The following MRAP2 variants were observed in gnomAD, a reference collection of about 807,000 sequenced individuals.
MRAP2 encodes the protein melanocortin-2 receptor accessory protein 2.
Under a neutral mutation model 17.4 loss-of-function variants are expected in MRAP2, and 20 were observed. The observed-to-expected ratio is 1.15, with a 90% CI of 0.81 to 1.67. The LOEUF (loss-of-function observed/expected upper bound fraction) is 1.67. Ranked by LOEUF, MRAP2 falls within the 40% of genes most tolerant of loss-of-function variation. The pLI, the probability that MRAP2 is intolerant of heterozygous loss-of-function variation, is 0.00. For synonymous variants in MRAP2, 96 were observed against 88.4 expected (o/e 1.09, Z -0.48); for missense variants, 238 against 240.0 (o/e 0.99, Z 0.05).
the MRAP2 span, among the ~76,000 whole-genome samples, chr6:84,109,778 T>A: frequency 1.1e-4 from 14 of 131,780 alleles, no homozygotes; most frequent in East Asian, 3.7e-3. Context: ...CAGGTCCTGG[T>A]GTGTGATGTT....
intron 1 of MRAP2, among the ~76,000 whole-genome samples, chr6:84,048,955 G>A (rs142864007): frequency 4.6e-4 from 70 of 152,284 alleles, no homozygotes; most frequent in African/African-American, 1.5e-3. Flanking sequence ...AGCCAGGGGC[G>A]GAGGTGCAGT....
chr6:84,107,243 G>A, the MRAP2 span, among the ~76,000 whole-genome samples: 1 of 152,158 alleles, frequency 6.6e-6, no homozygotes, highest in Admixed American at 6.6e-5. Flanking sequence ...ACCCAAATGA[G>A]TAATATGTTG....
chr6:84,055,080 A>G (rs944184100), intron 1 of MRAP2, among the ~76,000 whole-genome samples: 3 of 152,184 alleles, frequency 2.0e-5, no homozygotes, highest in African/African-American at 7.2e-5. Context: ...AAAAAAATAT[A>G]CAGTGTCTGA....
chr6:84,114,475 C>A, the MRAP2 span, among the ~76,000 whole-genome samples: 2 of 152,104 alleles, frequency 1.3e-5, no homozygotes, highest in African/African-American at 2.4e-5. Context: ...AGGAACTCCT[C>A]TAACCTTTTT....
the MRAP2 span, among the ~76,000 whole-genome samples, chr6:84,121,637 C>G: frequency 6.6e-6 from 1 of 152,056 alleles, no homozygotes. Flanking sequence ...GAGTAAGACT[C>G]CGTCTCAAAA....
intron 1 of MRAP2, among the ~76,000 whole-genome samples, chr6:84,048,027 CTT>C (rs2099489487): frequency 1.3e-5 from 2 of 152,122 alleles, no homozygotes; most frequent in Non-Finnish European, 2.9e-5. Context: ...TGATTAGACA[CTT>C]GGGTTGTTTT....
Position 84,064,527 on chromosome 6 carries a change from A to G in MRAP2, c.227+1535A>G, listed in dbSNP as rs561299030. 5.5e-4 allele frequency among the ~76,000 whole-genome samples: 84 copies of G among 152,004 alleles called. 1 individual carries two copies. Among genetic ancestry groups the G allele is most frequent in the South Asian group, 5.2e-3 (25 of 4,810 alleles). On this transcript the variant is annotated intron_variant, in intron 3 of 3. Coordinates refer to ENST00000257776, the MANE Select transcript of MRAP2 (RefSeq NM_138409.4). The stretch of plus-strand genomic sequence containing the variant: ...TTTTGAGACGGAGTCTTGCTCTGTC[A>G]CCCAGGCTGGAGTGCAGTGGCGCCA...
At chr6:84,061,307 G>T (rs952550369) in intron 2 of MRAP2, among the ~76,000 whole-genome samples, 1 of 152,080 alleles carries the variant, frequency 6.6e-6, no homozygotes, top group Non-Finnish European at 1.5e-5. Flanking sequence ...CATCCTCATT[G>T]TATTTCCACA....
At chr6:84,073,582 C>T (rs938754851) in intron 3 of MRAP2, among the ~76,000 whole-genome samples, 1 of 152,328 alleles carries the variant, frequency 6.6e-6, no homozygotes, top group African/African-American at 2.4e-5. Flanking sequence ...GTTGGAGTTG[C>T]AATCTAGTCC....
the MRAP2 span, among the ~76,000 whole-genome samples, chr6:84,133,719 C>T: frequency 1.3e-5 from 2 of 152,146 alleles, no homozygotes; most frequent in Non-Finnish European, 2.9e-5. Flanking sequence ...TGGAAAAGCA[C>T]AGTATTAGGG....
the MRAP2 span, among the ~76,000 whole-genome samples, chr6:84,121,889 T>C: frequency 7.6e-6 from 1 of 131,086 alleles, no homozygotes; most frequent in Non-Finnish European, 1.5e-5. Flanking sequence ...CTCAAGGACC[T>C]AGAAAAACAA....
At chr6:84,044,148 A>T (rs2099488371) in intron 1 of MRAP2, among the ~76,000 whole-genome samples, 1 of 152,176 alleles carries the variant, frequency 6.6e-6, no homozygotes, top group Admixed American at 6.5e-5. Context: ...CCATAACAAA[A>T]TACCACAGAC....
At chr6:84,058,450 G>A (rs2099492236) in intron 2 of MRAP2, among the ~76,000 whole-genome samples, 2 of 152,218 alleles carry the variant, frequency 1.3e-5, no homozygotes, top group African/African-American at 4.8e-5. Flanking sequence ...AACTGAGAGG[G>A]GGAAGAGTAT....
intron 1 of MRAP2, among the ~76,000 whole-genome samples, chr6:84,045,806 C>T (rs1439748802): frequency 6.6e-6 from 1 of 151,926 alleles, no homozygotes; most frequent in Non-Finnish European, 1.5e-5. Flanking sequence ...TGTGTATGTT[C>T]ACATGTGTGC....
the MRAP2 span, among the ~76,000 whole-genome samples, chr6:84,109,843 C>T: frequency 6.7e-5 from 10 of 150,294 alleles, no homozygotes; most frequent in Admixed American, 2.7e-4. Flanking sequence ...TGAGTGAGAA[C>T]GTGCGGTGTT....
chr6:84,056,819 G>C (rs1183187973), intron 2 of MRAP2, among the ~76,000 whole-genome samples: 1 of 152,128 alleles, frequency 6.6e-6, no homozygotes, highest in African/African-American at 2.4e-5. Flanking sequence ...AAGCACAGAA[G>C]ACAGGCCTGC....
chr6:84,091,757 C>T (rs979820311), downstream of MRAP2, among the ~76,000 whole-genome samples: 1 of 152,072 alleles, frequency 6.6e-6, no homozygotes, highest in African/African-American at 2.4e-5. Context: ...AGATTTTGCC[C>T]CTTCTGCAAA....
chr6:84,134,379 G>T, the MRAP2 span, among the ~76,000 whole-genome samples: 2 of 152,082 alleles, frequency 1.3e-5, no homozygotes, highest in Admixed American at 1.3e-4. Flanking sequence ...GGCATTCCAG[G>T]CGCCACTGTG....
chr6:84,097,891 G>C, the MRAP2 span, among the ~76,000 whole-genome samples: 1 of 152,200 alleles, frequency 6.6e-6, no homozygotes, highest in Non-Finnish European at 1.5e-5. Flanking sequence ...GATAGGGCTA[G>C]AGGCTGATTA....
Sources: gnomAD v4.1 joint callset for allele counts (sites outside exome capture counted in the v4.1 genomes callset) on GRCh38, gnomAD v4.1.1 for gene constraint, MANE v1.5 for transcripts, NCBI Gene and HGNC (gene_info 2026-07-23, HGNC 2026-07-21) for gene names.